The following LUZP2 variants were observed in gnomAD, a reference collection of about 807,000 sequenced individuals.
LUZP2 encodes leucine zipper protein 2.
LUZP2 carries 52 observed loss-of-function variants against 51.6 expected under a neutral mutation model. The ratio of observed to expected loss-of-function variants is 1.01; its 90% confidence interval spans 0.81 to 1.27. LUZP2 has a LOEUF of 1.27. Among genes scored for constraint, LUZP2 ranks in the 50% most tolerant of loss-of-function variants. The probability of loss-of-function intolerance (pLI) is 0.00; values close to 1 mark genes in which losing one functional copy is unlikely to be tolerated. For missense variants in LUZP2, 436 were observed against 395.4 expected (o/e 1.10, Z -0.87); for synonymous variants, 154 against 137.3 (o/e 1.12, Z -0.85).
chr11:25,052,050 A>T (rs915046893), intron 10 of LUZP2, among the ~76,000 whole-genome samples: 2 of 152,108 alleles, frequency 1.3e-5, no homozygotes, highest in African/African-American at 4.8e-5. Flanking sequence ...CTCTTCAAAA[A>T]GCTGCCTCCA....
chr11:24,527,261 A>G lies in LUZP2; in HGVS notation c.62+29956A>G, dbSNP rs114204500. Among the ~76,000 whole-genome samples, 1,251 of 151,444 alleles carry G rather than the reference A, an allele frequency of 8.3e-3. 20 individuals are homozygous for G. Among genetic ancestry groups the G allele is most frequent in the African/African-American group, 0.029 (1,202 of 41,460 alleles). On this transcript the variant is annotated intron_variant, in intron 1 of 11. Transcript: ENST00000336930. ...CATATGTTGATATACTTTGATGAAA[A>G]AGAACAGGCAATAGTGGGAACTTTT...
intron 9 of LUZP2, among the ~76,000 whole-genome samples, chr11:24,984,848 C>A (rs1325438583): frequency 2.0e-5 from 3 of 151,178 alleles, no homozygotes; most frequent in Non-Finnish European, 3.0e-5. Flanking sequence ...TTTTTTCTTT[C>A]CTCAGTGCTT....
At chr11:24,968,043 C>T (rs1024857364) in intron 7 of LUZP2, among the ~76,000 whole-genome samples, 3 of 151,976 alleles carry the variant, frequency 2.0e-5, no homozygotes, top group East Asian at 1.9e-4. Flanking sequence ...GATTTGTGTA[C>T]GGTTTGTTTT....
intron 7 of LUZP2, among the ~76,000 whole-genome samples, chr11:24,972,345 C>T (rs563487415): frequency 6.6e-6 from 1 of 152,040 alleles, no homozygotes; most frequent in South Asian, 2.1e-4. Flanking sequence ...TGAACTGGTA[C>T]TACTCTAAGT....
chr11:24,509,077 C>T (rs528107008), intron 1 of LUZP2, among the ~76,000 whole-genome samples: 25 of 152,222 alleles, frequency 1.6e-4, no homozygotes, highest in African/African-American at 2.2e-4. Context: ...CATACACACG[C>T]GACATGTGCG....
intron 1 of LUZP2, among the ~76,000 whole-genome samples, chr11:24,601,901 T>C (rs943248505): frequency 1.3e-4 from 10 of 77,342 alleles, no homozygotes; most frequent in African/African-American, 4.1e-4. Context: ...TATATGTATA[T>C]ATGTATATAT....
chr11:24,987,911 T>G (rs1421211135), intron 9 of LUZP2, among the ~76,000 whole-genome samples: 1 of 151,982 alleles, frequency 6.6e-6, no homozygotes, highest in Non-Finnish European at 1.5e-5. Flanking sequence ...TGCTCACACC[T>G]GGGTGTCAAT....
chr11:24,907,396 A>G (rs1853492431), intron 6 of LUZP2, among the ~76,000 whole-genome samples: 1 of 152,102 alleles, frequency 6.6e-6, no homozygotes, highest in East Asian at 1.9e-4. Flanking sequence ...TATGGCATGA[A>G]TAGAAGTGTT....
At chr11:24,710,728 C>T (rs181834774) in intron 1 of LUZP2, among the ~76,000 whole-genome samples, 1 of 152,106 alleles carries the variant, frequency 6.6e-6, no homozygotes, top group African/African-American at 2.4e-5. Context: ...AACCAGTGAA[C>T]TTAATACATG....
At chr11:24,912,764 T>A (rs1033393969) in intron 6 of LUZP2, among the ~76,000 whole-genome samples, 30 of 152,116 alleles carry the variant, frequency 2.0e-4, no homozygotes, top group African/African-American at 7.2e-4. Context: ...GAGCTGAGAA[T>A]GCGCCACTGC....
intron 5 of LUZP2, among the ~76,000 whole-genome samples, chr11:24,900,064 G>T (rs181548435): frequency 5.3e-5 from 8 of 152,162 alleles, no homozygotes; most frequent in Admixed American, 4.6e-4. Flanking sequence ...CTCCTCCTTT[G>T]TCTTAAGGCT....
intron 1 of LUZP2, among the ~76,000 whole-genome samples, chr11:24,718,581 A>T (rs1858145186): frequency 6.6e-6 from 1 of 152,122 alleles, no homozygotes; most frequent in South Asian, 2.1e-4. Context: ...ACCATTGGTG[A>T]TTTCTGGAAG....
At chr11:24,596,204 C>T (rs903790991) in intron 1 of LUZP2, among the ~76,000 whole-genome samples, 4 of 152,158 alleles carry the variant, frequency 2.6e-5, no homozygotes, top group Non-Finnish European at 5.9e-5. Context: ...TCAGTAACCT[C>T]CCACCTATCT....
chr11:24,890,882 G>A, intron 5 of LUZP2: 2 of 950,558 alleles, frequency 2.1e-6, no homozygotes, highest in Non-Finnish European at 2.5e-6. Flanking sequence ...ATTTACAGGA[G>A]GAGTAAAAGT....
At chr11:24,985,558 T>A (rs1241035103) in intron 9 of LUZP2, among the ~76,000 whole-genome samples, 2 of 151,748 alleles carry the variant, frequency 1.3e-5, no homozygotes, top group Non-Finnish European at 2.9e-5. Flanking sequence ...ACCTACTTTA[T>A]GTCACCAACA....
At chr11:24,547,722 C>T (rs535452380) in intron 1 of LUZP2, among the ~76,000 whole-genome samples, 8 of 151,964 alleles carry the variant, frequency 5.3e-5, no homozygotes, top group South Asian at 2.1e-4. Context: ...TTTACAAGTG[C>T]GGCCTAATTA....
intron 1 of LUZP2, among the ~76,000 whole-genome samples, chr11:24,627,695 A>G (rs1383274191): frequency 6.6e-6 from 1 of 152,094 alleles, no homozygotes; most frequent in East Asian, 1.9e-4. Flanking sequence ...GCAAAATGGA[A>G]CCTCTCTGAA....
At chr11:24,617,215 AT>A (rs35027145) in intron 1 of LUZP2, among the ~76,000 whole-genome samples, 33,636 of 147,914 alleles carry the variant, frequency 0.23, 4,628 homozygotes, top group African/African-American at 0.39. Flanking sequence ...ATGTTCACTG[AT>A]TTTTTTTTTC....
chr11:24,603,840 A>G (rs1230634022), intron 1 of LUZP2, among the ~76,000 whole-genome samples: 1 of 151,812 alleles, frequency 6.6e-6, no homozygotes, highest in African/African-American at 2.4e-5. Flanking sequence ...AAAAAGATAC[A>G]GGAATACAGG....
Sources: gnomAD v4.1 joint callset for allele counts (sites outside exome capture counted in the v4.1 genomes callset) on GRCh38, gnomAD v4.1.1 for gene constraint, MANE v1.5 for transcripts, NCBI Gene and HGNC (gene_info 2026-07-23, HGNC 2026-07-21) for gene names.